The following ZNF518B variants were observed in gnomAD, a reference collection of about 807,000 sequenced individuals.
ZNF518B encodes zinc finger protein 518B.
In ZNF518B, 23 loss-of-function variants were observed where a neutral mutation model predicts 56.3. The observed-to-expected ratio is 0.41, with a 90% CI of 0.29 to 0.58. The LOEUF is 0.58. Ranked by LOEUF, ZNF518B falls within the 20% of genes least tolerant of loss-of-function variation. ZNF518B has a pLI of 0.32. For missense variants in ZNF518B, 1,460 were observed against 1,272.1 expected, an observed-to-expected ratio of 1.15 and a Z score of -2.25; for synonymous variants, 529 against 465.9, an observed-to-expected ratio of 1.14 and a Z score of -1.74.
In ZNF518B at chr4:10,445,267, A is replaced by C. The variant is rs1472178935; in HGVS notation, c.1062T>G (p.Asn354Lys). The change falls in exon 3 of 3, where the codon AAT becomes AAG. Residue 354 changes from asparagine (N) to lysine (K), a missense_variant. By Grantham distance (94) the Asn-to-Lys change is moderately conservative. Transcript: ENST00000326756. ...LAQLIDVKVVNGTQQLVLKLF... is the reference protein window; with the variant it reads ...LAQLIDVKVVKGTQQLVLKLF... ...GTTTCAGAACAAGCTGCTGTGTACCATTGACAACCTTCACATCTATCAACT... is the reference window on the plus strand; with the variant it reads ...GTTTCAGAACAAGCTGCTGTGTACCCTTGACAACCTTCACATCTATCAACT... 2 of 1,614,070 alleles carry C rather than the reference A, an allele frequency of 1.2e-6. No individual in the cohort carries two copies. Among genetic ancestry groups the C allele is most frequent in the Admixed American group, 3.3e-5 (2 of 60,018 alleles).
chr4:10,453,160 G>C (rs1350111090), intron 2 of ZNF518B: 1 of 152,230 alleles, frequency 6.6e-6, no homozygotes, highest in Non-Finnish European at 1.5e-5. Flanking sequence ...GCTGATGTGA[G>C]GACAAATGAG....
rs1715592346 is a variant in ZNF518B, at chr4:10,457,375, C to G, written c.-454G>C. 2 of 151,920 alleles carry G rather than the reference C, an allele frequency of 1.3e-5. No homozygotes were observed. Among genetic ancestry groups the G allele is most frequent in the South Asian group, 2.1e-4 (1 of 4,830 alleles). 9.4% of individuals were successfully genotyped at this position (151,920 alleles called of 1,614,324 possible). On this transcript the variant is annotated 5_prime_UTR_variant, in exon 1 of 3. Transcript: ENST00000326756. Reference sequence around the variant, plus strand: ...GAAGGGGCGTCTACACCGCCGGCCGCAGACCGCCGGCGCCGCGCCCGCTGT... The same window carrying G: ...GAAGGGGCGTCTACACCGCCGGCCGGAGACCGCCGGCGCCGCGCCCGCTGT...
At chr4:10,456,372 C>T (rs538444701) in intron 1 of ZNF518B, among the ~76,000 whole-genome samples, 4 of 152,118 alleles carry the variant, frequency 2.6e-5, no homozygotes, top group Admixed American at 1.3e-4. Flanking sequence ...CCTGCAATTT[C>T]TTGGCTTTAC....
rs766981686 is a variant in ZNF518B at position 10,444,237 on chromosome 4, C to T, written c.2092G>A (p.Gly698Arg). 3.7e-6 allele frequency: 6 copies of T among 1,614,062 alleles called. No individual in the cohort carries two copies. Among genetic ancestry groups the T allele is most frequent in the Non-Finnish European group, 5.1e-6 (6 of 1,180,036 alleles). The change falls in exon 3 of 3, where the codon GGA becomes AGA. Residue 698 changes from glycine to arginine, a missense_variant. By Grantham distance (125) the Gly-to-Arg change is moderately radical. Transcript: ENST00000326756. Reference protein sequence around the residue: ...HRRSVGQASKGTSKATSEGIQ... With the variant: ...HRRSVGQASKRTSKATSEGIQ... ...CCTTCAGAGGTAGCTTTTGAAGTTCCCTTTGATGCCTGCCCTACAGAGCGA... is the reference window on the plus strand; with the variant it reads ...CCTTCAGAGGTAGCTTTTGAAGTTCTCTTTGATGCCTGCCCTACAGAGCGA...
intron 2 of ZNF518B, among the ~76,000 whole-genome samples, chr4:10,448,685 C>A (rs1313286485): frequency 6.6e-6 from 1 of 152,022 alleles, no homozygotes; most frequent in Non-Finnish European, 1.5e-5. Flanking sequence ...TCTGTCCCCT[C>A]AATGTTCAAA....
Position 10,445,057 on chromosome 4 carries a change from T to C in ZNF518B, c.1272A>G (p.Ser424=), listed in dbSNP as rs374255171. The C allele has an allele frequency of 6.2e-6, 10 of 1,614,122 alleles. No homozygotes were observed. The African/African-American group carries it at 1.2e-4, about 19-fold the overall frequency. Reference sequence around the variant, plus strand: ...TCACATTTTTAAGCTGTTTCTGAACTGAAGGTTGAAAACTATCAATGCCTA... The same window carrying C: ...TCACATTTTTAAGCTGTTTCTGAACCGAAGGTTGAAAACTATCAATGCCTA... ...KLVGIDSFQP[S]VQKQLKNVKW... The change falls in exon 3 of 3, where the codon TCA becomes TCG. Residue 424 remains serine, a synonymous_variant. Transcript: ENST00000326756.
In ZNF518B at chr4:10,440,264, C is replaced by CT; in HGVS notation, c.*2839dup. ...GATACAAAATTGAATATAATATAGT[C>CT]TATCAGAGTATACTTTGGGTCAGGT... is the stretch of plus-strand genomic sequence containing the variant. On this transcript the variant is annotated 3_prime_UTR_variant, in exon 3 of 3. Transcript: ENST00000326756. 6.7e-6 allele frequency: 1 copy of CT among 149,354 alleles called. No individual in the cohort carries two copies. The highest frequency in any genetic ancestry group is 2.0e-4 in the East Asian group (1 of 5,062). 9.3% of individuals were successfully genotyped at this position (149,354 alleles called of 1,614,324 possible).
Position 10,446,462 on chromosome 4 carries a change from C to G in ZNF518B, c.-134G>C. ...ACTTCTTGGGTGCATACTTAATTATCTTTCTTTATATACTGCCGCAGTAGG... is the reference window on the plus strand; with the variant it reads ...ACTTCTTGGGTGCATACTTAATTATGTTTCTTTATATACTGCCGCAGTAGG... On this transcript the variant is annotated 5_prime_UTR_variant, in exon 3 of 3. Transcript: ENST00000326756. 2 of 798,450 alleles carry G rather than the reference C, an allele frequency of 2.5e-6. No individual in the cohort carries two copies. The highest frequency in any genetic ancestry group is 2.0e-6 in the Non-Finnish European group (1 of 496,756). The allele number at this position is 798,450 out of a possible 1,614,324, so 49.5% of individuals were successfully genotyped here. A position where few individuals can be genotyped will look rare whatever the true frequency, so the allele number is the denominator to read the frequency against.
rs1412730735 is a variant in ZNF518B at position 10,442,291 on chromosome 4, T to C, written c.*813A>G. The C allele has an allele frequency of 6.6e-6, 1 of 152,266 alleles. No individual in the cohort carries two copies. The highest frequency in any genetic ancestry group is 2.4e-5 in the African/African-American group (1 of 41,476). The allele number at this position is 152,266 out of a possible 1,614,324, so 9.4% of individuals were successfully genotyped here. A position where few individuals can be genotyped will look rare whatever the true frequency, so the allele number is the denominator to read the frequency against. On this transcript the variant is annotated 3_prime_UTR_variant, in exon 3 of 3. Coordinates refer to ENST00000326756, the MANE Select transcript of ZNF518B (RefSeq NM_053042.3). ...CCTAGCATTTTAAATTGGTCACTTA[T>C]GTTTCTGGGAGTGGTAAGGGCAAAG... is the stretch of plus-strand genomic sequence containing the variant.
intron 2 of ZNF518B, 136 bp from the exon 3 acceptor site, chr4:10,446,675 CAA>C (rs1352004334): frequency 5.5e-5 from 11 of 201,096 alleles, no homozygotes; most frequent in African/African-American, 4.6e-5. Flanking sequence ...CATGTTATAA[CAA>C]TAACACAACA....
At chr4:10,458,046 G>T (rs990988067), upstream of ZNF518B, among the ~76,000 whole-genome samples, 3 of 152,176 alleles carry the variant, frequency 2.0e-5, no homozygotes, top group African/African-American at 4.8e-5. Context: ...TCTGGAGAGG[G>T]TGTGAGCTCA....
rs995295633 is a variant in ZNF518B at position 10,441,049 on chromosome 4, C to G, written c.*2055G>C. On this transcript the variant is annotated 3_prime_UTR_variant, in exon 3 of 3. Transcript: ENST00000326756. ...AATAAAAATGCAGTAATAAAATGAT[C>G]CAAAGGGGTTTCTACTCACTTGTTC... The G allele has an allele frequency of 2.6e-5, 4 of 152,522 alleles. No homozygotes were observed. The highest frequency in any genetic ancestry group is 9.7e-5 in the African/African-American group (4 of 41,384). The allele number at this position is 152,522 out of a possible 1,614,324, so 9.4% of individuals were successfully genotyped here.
At chr4:10,449,549 C>T (rs1347980277) in intron 2 of ZNF518B, among the ~76,000 whole-genome samples, 1 of 152,180 alleles carries the variant, frequency 6.6e-6, no homozygotes, top group Non-Finnish European at 1.5e-5. Flanking sequence ...TATAAATTTC[C>T]TTGTTCTGCC....
In ZNF518B at chr4:10,444,286, A is replaced by G. The variant is rs544495577; in HGVS notation, c.2043T>C (p.Ser681=). 6.2e-7 allele frequency: 1 copy of G among 1,614,210 alleles called. No homozygotes were observed. Among genetic ancestry groups the G allele is most frequent in the East Asian group, 2.2e-5 (1 of 44,888 alleles). The part of the protein sequence containing the change: ...QLIESCGKPS[S]LASNSAHRRS... ...GACGATGTGCACTATTTGAAGCCAA[A>G]GATGACGGCTTCCCACAGGACTCAA... The change falls in exon 3 of 3, where the codon TCT becomes TCC. Residue 681 remains serine, a synonymous_variant. Transcript: ENST00000326756.
Position 10,440,653 on chromosome 4 carries a change from A to G in ZNF518B, c.*2451T>C, listed in dbSNP as rs1714631670. 6.6e-6 allele frequency: 1 copy of G among 152,298 alleles called. No individual in the cohort carries two copies. Among genetic ancestry groups the G allele is most frequent in the South Asian group, 2.1e-4 (1 of 4,834 alleles). The allele number at this position is 152,298 out of a possible 1,614,324, so 9.4% of individuals were successfully genotyped here. A position where few individuals can be genotyped will look rare whatever the true frequency, so the allele number is the denominator to read the frequency against. ...TATTCTAGTTCTGAAAATCCTAAAA[A>G]GCTTTGCTACATATTCTACTCACAC... On this transcript the variant is annotated 3_prime_UTR_variant, in exon 3 of 3. Coordinates refer to ENST00000326756, the MANE Select transcript of ZNF518B (RefSeq NM_053042.3).
Position 10,441,077 on chromosome 4 carries a change from A to G in ZNF518B, c.*2027T>C. The G allele has an allele frequency of 6.6e-6, 1 of 152,664 alleles. No homozygotes were observed. The highest frequency in any genetic ancestry group is 1.9e-4 in the East Asian group (1 of 5,200). The allele number at this position is 152,664 out of a possible 1,614,324, so 9.5% of individuals were successfully genotyped here. On this transcript the variant is annotated 3_prime_UTR_variant, in exon 3 of 3. Coordinates refer to ENST00000326756, the MANE Select transcript of ZNF518B (RefSeq NM_053042.3). ...AAGGGGTTTCTACTCACTTGTTCAC[A>G]TAAACCAGACCCCATCATTCCTGTG...
intron 2 of ZNF518B, among the ~76,000 whole-genome samples, chr4:10,450,064 C>G (rs1285013318): frequency 1.3e-5 from 2 of 152,162 alleles, no homozygotes; most frequent in Non-Finnish European, 2.9e-5. Context: ...AGCATCCCAG[C>G]CAAGGAAAGT....
At chr4:10,448,786 T>A (rs1483919276) in intron 2 of ZNF518B, among the ~76,000 whole-genome samples, 1 of 152,152 alleles carries the variant, frequency 6.6e-6, no homozygotes, top group Non-Finnish European at 1.5e-5. Context: ...TAAGGCCTTT[T>A]ACATTACACT....
intron 2 of ZNF518B, among the ~76,000 whole-genome samples, chr4:10,450,678 A>G (rs908993834): frequency 3.9e-5 from 6 of 152,186 alleles, no homozygotes; most frequent in South Asian, 2.1e-4. Context: ...ATGGATGACC[A>G]AGGAGTACAA....
Sources: allele counts gnomAD v4.1 joint callset (sites outside exome capture counted in the v4.1 genomes callset), GRCh38; gene constraint gnomAD v4.1.1; transcripts MANE v1.5; gene names NCBI Gene and HGNC (gene_info 2026-07-23, HGNC 2026-07-21).